MIPEP: variants seen among roughly 807,000 people sequenced by gnomAD.
MIPEP encodes the protein mitochondrial intermediate peptidase.
Under a neutral mutation model 90.3 loss-of-function variants are expected in MIPEP, and 79 were observed. The ratio of observed to expected loss-of-function variants is 0.87; its 90% CI spans 0.73 to 1.05. The LOEUF (loss-of-function observed/expected upper bound fraction) is 1.05. Ranked by LOEUF, MIPEP falls within the 50% of genes least tolerant of loss-of-function variation. The pLI is 0.00. For synonymous variants in MIPEP, 334 were observed against 315.8 expected (o/e 1.06, Z -0.61); for missense variants, 940 against 905.6 (o/e 1.04, Z -0.49).
At chr13:23,850,990 T>C (rs1869776361) in intron 10 of MIPEP, among the ~76,000 whole-genome samples, 1 of 152,116 alleles carries the variant, frequency 6.6e-6, no homozygotes, top group South Asian at 2.1e-4. Context: ...GGCAGAGATT[T>C]TCTCCCCCAG....
rs182192230 is a variant in MIPEP at position 23,747,764 on chromosome 13, G to A, written c.2044+8781C>T. On this transcript the variant is annotated intron_variant, in intron 18 of 18. Coordinates refer to ENST00000382172, the MANE Select transcript of MIPEP (RefSeq NM_005932.4). ...TTTTTGTTGTTGTTGTTGTTGAGAC[G>A]GGGTCTCGCTCTGTTGCCCGCACTG... 4.7e-4 allele frequency among the ~76,000 whole-genome samples: 71 copies of A among 152,246 alleles called. 1 individual carries two copies. The highest frequency in any genetic ancestry group is 4.3e-3 in the Admixed American group (65 of 15,288).
chr13:23,845,152 A>G (rs1869477122), intron 10 of MIPEP, among the ~76,000 whole-genome samples: 1 of 152,224 alleles, frequency 6.6e-6, no homozygotes, highest in Non-Finnish European at 1.5e-5. Flanking sequence ...ACATAAAAAT[A>G]TATCAATGAT....
At chr13:23,858,470 CAAAAAAAAAAA>C (rs1178186750) in intron 10 of MIPEP, among the ~76,000 whole-genome samples, 2 of 48,944 alleles carry the variant, frequency 4.1e-5, no homozygotes, top group East Asian at 6.1e-4. Flanking sequence ...GACTCCGCCT[CAAAAAAAAAAA>C]AAAAAAAAAA....
At chr13:23,887,641 A>C (rs1163736185) in intron 1 of MIPEP, among the ~76,000 whole-genome samples, 1 of 152,190 alleles carries the variant, frequency 6.6e-6, no homozygotes, top group Non-Finnish European at 1.5e-5. Flanking sequence ...AGAATGTCTA[A>C]CACATGGGGG....
At chr13:23,774,679 G>T (rs574709673) in intron 16 of MIPEP, among the ~76,000 whole-genome samples, 262 of 148,578 alleles carry the variant, frequency 1.8e-3, no homozygotes, top group African/African-American at 6.2e-3. Flanking sequence ...AAATAGAACG[G>T]TCTTCTTAAT....
At chr13:23,821,246 C>T (rs954123886) in intron 14 of MIPEP, among the ~76,000 whole-genome samples, 4 of 152,074 alleles carry the variant, frequency 2.6e-5, no homozygotes, top group Non-Finnish European at 5.9e-5. Context: ...AATCTGTATC[C>T]CTTAACAAGG....
intron 18 of MIPEP, among the ~76,000 whole-genome samples, chr13:23,743,613 T>A (rs1399551177): frequency 3.3e-5 from 5 of 152,258 alleles, no homozygotes. Context: ...TCTGAACCTG[T>A]GTTAGACAGA....
chr13:23,803,289 G>A (rs1953068118), intron 16 of MIPEP, among the ~76,000 whole-genome samples: 1 of 152,036 alleles, frequency 6.6e-6, no homozygotes, highest in Non-Finnish European at 1.5e-5. Flanking sequence ...CTTGAACCCA[G>A]GAGGCAGAGG....
chr13:23,730,519 C>T, intron 18 of MIPEP, 74 bp from the exon 19 acceptor site: 1 of 929,154 alleles, frequency 1.1e-6, no homozygotes, highest in Non-Finnish European at 1.7e-6. Flanking sequence ...AAATCAAATC[C>T]ACACACTAGA....
At position 23,874,913 on chromosome 13, in the gene MIPEP, TAAATG is replaced by T; in HGVS notation, c.540-9_540-5del. ...CATAAACAGTTCAGCCACTCGCCTA[TAAATG>T]AAATGAGCCCCAGGTTATAACAGGT... On this transcript the variant is annotated splice_polypyrimidine_tract_variant and splice_region_variant and intron_variant, in intron 4 of 18. Coordinates refer to ENST00000382172, the MANE Select transcript of MIPEP (RefSeq NM_005932.4). 1.3e-6 allele frequency: 2 copies of T among 1,597,552 alleles called. No homozygotes were observed. The highest frequency in any genetic ancestry group is 8.5e-7 in the Non-Finnish European group (1 of 1,175,220).
At chr13:23,857,319 A>G (rs1335837544) in intron 10 of MIPEP, among the ~76,000 whole-genome samples, 1 of 152,240 alleles carries the variant, frequency 6.6e-6, no homozygotes, top group Non-Finnish European at 1.5e-5. Context: ...TTCACTAAAA[A>G]AAAGACTGAT....
Position 23,826,953 on chromosome 13 carries a change from T to C in MIPEP, c.1653+9287A>G, listed in dbSNP as rs7987650. On this transcript the variant is annotated intron_variant, in intron 14 of 18. Transcript: ENST00000382172. ...ATCGAACATGTACAGACTTTTTTCT[T>C]GTCATTATTCCCTAAACAATACAGC... 5.6e-3 allele frequency among the ~76,000 whole-genome samples: 856 copies of C among 152,348 alleles called. 8 individuals carry two copies. The highest frequency in any genetic ancestry group is 0.019 in the African/African-American group (801 of 41,572).
chr13:23,827,291 C>T (rs1037180506), intron 14 of MIPEP, among the ~76,000 whole-genome samples: 6 of 152,080 alleles, frequency 3.9e-5, no homozygotes, highest in Admixed American at 3.9e-4. Context: ...TAAAAGAATG[C>T]TATAAGTAAC....
chr13:23,809,879 CCT>C lies in MIPEP; in HGVS notation c.1697_1698del (p.Lys566SerfsTer6). 6.2e-7 allele frequency: 1 copy of C among 1,613,690 alleles called. No individual in the cohort carries two copies. The highest frequency in any genetic ancestry group is 8.5e-7 in the Non-Finnish European group (1 of 1,179,784). On this transcript the variant is annotated frameshift_variant, in exon 15 of 19. Coordinates refer to ENST00000382172, the MANE Select transcript of MIPEP (RefSeq NM_005932.4). LOFTEE classifies it high-confidence loss of function. ...NMVSRLCESK[K>X]VCAAADMQLQ... Reference sequence around the variant, plus strand: ...AGTTGCATATCAGCTGCAGCACAAACCTTTTTAGATTCACAAAGACGAGACAC... The same window carrying C: ...AGTTGCATATCAGCTGCAGCACAAACTTTTAGATTCACAAAGACGAGACAC...
At chr13:23,827,552 ACACT>A (rs1272395836) in intron 14 of MIPEP, among the ~76,000 whole-genome samples, 1 of 152,248 alleles carries the variant, frequency 6.6e-6, no homozygotes, top group Non-Finnish European at 1.5e-5. Flanking sequence ...AGAAAAAGAA[ACACT>A]CACCAACTCA....
At chr13:23,793,600 G>A (rs1464474200) in intron 16 of MIPEP, among the ~76,000 whole-genome samples, 3 of 151,914 alleles carry the variant, frequency 2.0e-5, no homozygotes, top group African/African-American at 7.3e-5. Flanking sequence ...TCAGGGCCCT[G>A]GGAAAACAAT....
At chr13:23,869,486 C>T (rs1436685364) in intron 6 of MIPEP, 38 bp from the exon 7 acceptor site, 2 of 1,557,834 alleles carry the variant, frequency 1.3e-6, no homozygotes, top group Non-Finnish European at 1.7e-6. Flanking sequence ...CTATAAATAT[C>T]ATCACACAGT....
chr13:23,847,617 A>C (rs1869607556), intron 10 of MIPEP, among the ~76,000 whole-genome samples: 1 of 152,208 alleles, frequency 6.6e-6, no homozygotes, highest in African/African-American at 2.4e-5. Flanking sequence ...TGTAGCTATT[A>C]GAAAGAGGAG....
At chr13:23,783,208 T>C (rs1952799843) in intron 16 of MIPEP, among the ~76,000 whole-genome samples, 3 of 152,140 alleles carry the variant, frequency 2.0e-5, no homozygotes, top group African/African-American at 7.2e-5. Context: ...AAATCCTCAA[T>C]ACTGGCAAAC....
Sources: gnomAD v4.1 joint callset for allele counts (sites outside exome capture counted in the v4.1 genomes callset) on GRCh38, gnomAD v4.1.1 for gene constraint, MANE v1.5 for transcripts, NCBI Gene and HGNC (gene_info 2026-07-23, HGNC 2026-07-21) for gene names.